Variants in TMC5 observed in about 807,000 individuals in gnomAD.
TMC5 encodes the protein transmembrane channel like 5.
Under a neutral mutation model 110.5 loss-of-function variants are expected in TMC5, and 86 were observed. The ratio of observed to expected loss-of-function variants is 0.78; its 90% CI spans 0.65 to 0.93. The LOEUF is 0.93. TMC5 is among the 40% of genes least tolerant of loss of function. The pLI, the probability that TMC5 is intolerant of heterozygous loss-of-function variation, is 0.00. For missense variants in TMC5, 1,144 were observed against 1,222.8 expected (o/e 0.94, Z 0.96); for synonymous variants, 455 against 439.5 (o/e 1.04, Z -0.44).
At chr16:19,458,914 C>T (rs1385259324) in intron 5 of TMC5, among the ~76,000 whole-genome samples, 1 of 152,210 alleles carries the variant, frequency 6.6e-6, no homozygotes, top group Non-Finnish European at 1.5e-5. Flanking sequence ...TGTCCCTCAG[C>T]CACCCTCGGC....
chr16:19,469,898 C>CTT (rs10570246), intron 10 of TMC5, 73 bp downstream of exon 10: 373 of 1,211,812 alleles, frequency 3.1e-4, no homozygotes, highest in African/African-American at 1.6e-3. Context: ...TGTAACTTTT[C>CTT]TTTTTTTTTT....
intron 16 of TMC5, 58 bp downstream of exon 16, chr16:19,487,078 G>T: frequency 6.2e-7 from 1 of 1,609,582 alleles, no homozygotes. Context: ...TGACCTGGTG[G>T]CGCTTAAAGC....
intron 4 of TMC5, among the ~76,000 whole-genome samples, chr16:19,449,277 C>T (rs1967694592): frequency 6.6e-6 from 1 of 152,176 alleles, no homozygotes; most frequent in African/African-American, 2.4e-5. Context: ...TGAGCTACCT[C>T]ACCTTGCCAA....
At chr16:19,441,530 A>T (rs1388001665) in intron 3 of TMC5, among the ~76,000 whole-genome samples, 1 of 152,040 alleles carries the variant, frequency 6.6e-6, no homozygotes, top group Non-Finnish European at 1.5e-5. Context: ...CATGTTGCCC[A>T]GGCTAGTCTT....
In TMC5 at chr16:19,440,598, A is replaced by T. The variant is rs751251353; in HGVS notation, c.560A>T (p.Asn187Ile). Reference protein sequence around the residue: ...ANLNHPGSRKNLEHTSFRINP... With the variant: ...ANLNHPGSRKILEHTSFRINP... ...TTGAACCATCCAGGATCCAGAAAGAATCTGGAACATACAAGTTTTAGAATC... is the reference window on the plus strand; with the variant it reads ...TTGAACCATCCAGGATCCAGAAAGATTCTGGAACATACAAGTTTTAGAATC... Residue 187 changes from asparagine (N) to isoleucine (I), a missense_variant, in exon 3 of 22, where the codon AAT becomes ATT. By Grantham distance (149) the Asn-to-Ile change is moderately radical. Transcript: ENST00000542583. The T allele has an allele frequency of 2.5e-6, 4 of 1,614,218 alleles. No homozygotes were observed. Among genetic ancestry groups the T allele is most frequent in the Non-Finnish European group, 3.4e-6 (4 of 1,180,038 alleles).
At chr16:19,446,025 A>G (rs908878586) in intron 4 of TMC5, among the ~76,000 whole-genome samples, 1 of 137,940 alleles carries the variant, frequency 7.2e-6, no homozygotes, top group Admixed American at 7.4e-5. Context: ...AAAAAAAGAA[A>G]GGACCGGACA....
chr16:19,441,349 T>C (rs1967487221), intron 3 of TMC5, among the ~76,000 whole-genome samples: 1 of 151,862 alleles, frequency 6.6e-6, no homozygotes, highest in South Asian at 2.1e-4. Context: ...AGACAGGGTC[T>C]TGCTATGTCA....
At position 19,479,493 on chromosome 16, in the gene TMC5, T is replaced by C; in HGVS notation, c.2232T>C (p.Ser744=). The change falls in exon 14 of 22, where the codon TCT becomes TCC. Residue 744 remains serine, a synonymous_variant. Coordinates refer to ENST00000542583, the MANE Select transcript of TMC5 (RefSeq NM_001261841.2). The part of the protein sequence containing the change: ...YRLLLMDFVF[S]LVNSFLGEFL... ...TCCTTCTGATGGATTTTGTGTTCTC[T>C]TTAGTCAATTCCTTCCTGGGGGAGT... 1 of 1,614,040 alleles carries C rather than the reference T, an allele frequency of 6.2e-7. No individual in the cohort carries two copies. Among genetic ancestry groups the C allele is most frequent in the Admixed American group, 1.7e-5 (1 of 60,004 alleles).
intron 5 of TMC5, among the ~76,000 whole-genome samples, chr16:19,457,918 T>C (rs1967927748): frequency 6.6e-6 from 1 of 151,658 alleles, no homozygotes; most frequent in South Asian, 2.1e-4. Context: ...GAGATGGGGT[T>C]TTACCATGTT....
rs1299771507 is a variant in TMC5 at position 19,444,222 on chromosome 16, TCTG to T, written c.932_934del (p.Leu311del). The T allele has an allele frequency of 1.2e-6, 2 of 1,613,850 alleles. No homozygotes were observed. Among genetic ancestry groups the T allele is most frequent in the African/African-American group, 2.7e-5 (2 of 74,928 alleles). The stretch of plus-strand genomic sequence containing the variant: ...AGATGGCAAACTCATATGGCCACTC[TCTG>T]CCAGGTGCTCCTGGAAGTGGCTATG... On this transcript the variant is annotated inframe_deletion, in exon 4 of 22. Transcript: ENST00000542583.
intron 18 of TMC5, 88 bp from the exon 19 acceptor site, chr16:19,492,060 GCA>G (rs1968921301): frequency 2.9e-6 from 3 of 1,031,762 alleles, no homozygotes. Flanking sequence ...CCATCTGCAA[GCA>G]CAGATTCCAG....
chr16:19,490,438 C>A lies in TMC5; in HGVS notation c.2617C>A (p.Leu873Ile). 1 of 1,614,174 alleles carries A rather than the reference C, an allele frequency of 6.2e-7. No homozygotes were observed. Among genetic ancestry groups the A allele is most frequent in the Non-Finnish European group, 8.5e-7 (1 of 1,180,034 alleles). ...ADCGPFRGLP[L>I]FIHSIYSWID... The stretch of plus-strand genomic sequence containing the variant: ...CTGTGGCCCTTTTCGAGGTCTGCCT[C>A]TCTTCATTCACTCCATCTACAGCTG... Residue 873 changes from leucine to isoleucine, a missense_variant, in exon 18 of 22, where the codon CTC (leucine) becomes ATC (isoleucine). Transcript: ENST00000542583.
intron 14 of TMC5, among the ~76,000 whole-genome samples, chr16:19,480,315 G>A (rs1968586885): frequency 6.6e-6 from 1 of 151,950 alleles, no homozygotes. Flanking sequence ...TTTAAATTTA[G>A]TAATTCATTT....
intron 8 of TMC5, among the ~76,000 whole-genome samples, chr16:19,465,095 TCCTTCCTTCCTTCCTTCCTCCCTC>T (rs1968148775): frequency 3.0e-5 from 3 of 101,542 alleles, no homozygotes; most frequent in African/African-American, 1.4e-4. Context: ...CTTCCTTCCT[TCCTTCCTTCCTTCCTTCCTCCCTC>T]CCTCCCTCCC....
intron 5 of TMC5, among the ~76,000 whole-genome samples, chr16:19,453,588 CAA>C (rs956204210): frequency 1.5e-4 from 18 of 118,464 alleles, no homozygotes; most frequent in African/African-American, 1.2e-4. Context: ...GACTCTGTCT[CAA>C]AAAAAAAAAA....
chr16:19,477,323 C>G (rs905107694), intron 12 of TMC5, 117 bp from the exon 13 acceptor site: 2 of 752,244 alleles, frequency 2.7e-6, no homozygotes, highest in East Asian at 5.1e-5. Context: ...CATGTGCCCC[C>G]CTCCAACCAC....
At chr16:19,456,982 A>G in intron 5 of TMC5, 1 of 1,613,442 alleles carries the variant, frequency 6.2e-7, no homozygotes, top group Non-Finnish European at 8.5e-7. Context: ...GCATGGGCAT[A>G]GACACTCCTG....
intron 3 of TMC5, among the ~76,000 whole-genome samples, chr16:19,443,876 AATGG>A (rs375509598): frequency 0.022 from 3,344 of 151,334 alleles, 49 homozygotes; most frequent in South Asian, 0.076. Flanking sequence ...TGGATGGATG[AATGG>A]ATGGATGGAT....
intron 2 of TMC5, among the ~76,000 whole-genome samples, chr16:19,435,048 T>C (rs536180807): frequency 2.6e-4 from 39 of 152,306 alleles, no homozygotes; most frequent in Admixed American, 1.0e-3. Flanking sequence ...TTTGTTTTCA[T>C]TGGTTCCGAT....
Sources: gnomAD v4.1 joint callset for allele counts (sites outside exome capture counted in the v4.1 genomes callset) on GRCh38, gnomAD v4.1.1 for gene constraint, MANE v1.5 for transcripts, NCBI Gene and HGNC (gene_info 2026-07-23, HGNC 2026-07-21) for gene names.